RPS6KA2: variants seen among roughly 807,000 people sequenced by gnomAD.
The protein encoded by RPS6KA2 is ribosomal protein S6 kinase alpha-2.
A neutral mutation model predicts 91.8 loss-of-function variants in RPS6KA2; 42 were observed. The observed-to-expected ratio is 0.46, with a 90% CI of 0.36 to 0.59. The LOEUF (loss-of-function observed/expected upper bound fraction) is 0.59, where lower values mean the gene tolerates loss of function less well. RPS6KA2 is among the 20% of genes least tolerant of loss of function. The probability of loss-of-function intolerance (pLI) is 0.00; values close to 1 mark genes in which losing one functional copy is unlikely to be tolerated. For missense variants in RPS6KA2, 798 were observed against 978.5 expected (o/e 0.82, Z 2.46); for synonymous variants, 414 against 393.6 (o/e 1.05, Z -0.61).
chr6:166,701,777 T>G, intron 2 of RPS6KA2: 1 of 1,028,650 alleles, frequency 9.7e-7, no homozygotes, highest in Non-Finnish European at 1.5e-6. Flanking sequence ...ATCATTTTCC[T>G]AACGCTCCCT....
chr6:166,435,460 C>T lies in RPS6KA2; in HGVS notation c.1333-2970G>A, dbSNP rs766737152. Among the ~76,000 whole-genome samples, 2 of 152,220 alleles carry T rather than the reference C, an allele frequency of 1.3e-5. No homozygotes were observed. The highest frequency in any genetic ancestry group is 1.9e-4 in the East Asian group (1 of 5,204). On this transcript the variant is annotated intron_variant, in intron 14 of 20. Coordinates refer to ENST00000265678, the MANE Select transcript of RPS6KA2 (RefSeq NM_021135.6). This position sits in a 1 kb window ranked among gnomAD's most constrained non-coding sequence, Gnocchi z 4.3. Reference sequence around the variant, plus strand: ...CATTACATTTTCAACATATTAGTTACGCCTTTCAAAATCATGTAATTGCTT... The same window carrying T: ...CATTACATTTTCAACATATTAGTTATGCCTTTCAAAATCATGTAATTGCTT...
chr6:166,464,097 C>T (rs1250006253), intron 11 of RPS6KA2, among the ~76,000 whole-genome samples: 2 of 152,204 alleles, frequency 1.3e-5, no homozygotes, highest in Non-Finnish European at 2.9e-5. Context: ...TGCTGTGAGG[C>T]CCTGACCCGC....
chr6:166,638,876 C>A (rs576030432), intron 2 of RPS6KA2, among the ~76,000 whole-genome samples: 22 of 152,248 alleles, frequency 1.4e-4, no homozygotes, highest in African/African-American at 4.6e-4. Context: ...GTTTCTGTTC[C>A]TTCTGCTCAG....
chr6:166,707,856 G>C (rs1051466814), intron 2 of RPS6KA2, among the ~76,000 whole-genome samples: 1 of 151,834 alleles, frequency 6.6e-6, no homozygotes, highest in Non-Finnish European at 1.5e-5. Context: ...CAATCCTCCC[G>C]CCTCAGCCTC....
At chr6:166,718,604 T>C (rs1010025663) in intron 2 of RPS6KA2, among the ~76,000 whole-genome samples, 1 of 152,204 alleles carries the variant, frequency 6.6e-6, no homozygotes, top group African/African-American at 2.4e-5. Context: ...CTCTTTAAAG[T>C]GGTTAAAATA....
At position 166,763,917 on chromosome 6, in the gene RPS6KA2, C is replaced by T. The variant is rs562720671; in HGVS notation, c.123+94283G>A. On this transcript the variant is annotated intron_variant, in intron 2 of 21. Transcript: ENST00000503859. ...GTTTTCAGATCCATGACGGCACGGCCGGCCTTGTCTATGTCCGTCACCAAA... is the reference window on the plus strand; with the variant it reads ...GTTTTCAGATCCATGACGGCACGGCTGGCCTTGTCTATGTCCGTCACCAAA... Among the ~76,000 whole-genome samples the T allele has an allele frequency of 3.1e-3, 479 of 152,334 alleles. 4 individuals are homozygous for T. Among genetic ancestry groups the T allele is most frequent in the Non-Finnish European group, 6.0e-3 (410 of 68,036 alleles).
chr6:166,498,452 G>A, intron 8 of RPS6KA2, 56 bp downstream of exon 8: 5 of 1,545,568 alleles, frequency 3.2e-6, no homozygotes, highest in Non-Finnish European at 4.3e-6. Flanking sequence ...CCTGGGGACA[G>A]GGGTCCACGT....
intron 2 of RPS6KA2, among the ~76,000 whole-genome samples, chr6:166,660,624 T>C (rs904107299): frequency 8.5e-5 from 13 of 152,176 alleles, no homozygotes; most frequent in African/African-American, 3.1e-4. Flanking sequence ...AATAGTGTAA[T>C]CACAAAAAGG....
At chr6:166,502,169 C>T (rs972988167) in intron 6 of RPS6KA2, among the ~76,000 whole-genome samples, 4 of 152,026 alleles carry the variant, frequency 2.6e-5, no homozygotes, top group African/African-American at 7.3e-5. Context: ...TGCTTAATGC[C>T]ACTGAACTGG....
intron 14 of RPS6KA2, among the ~76,000 whole-genome samples, chr6:166,444,902 A>G (rs539408914): frequency 6.6e-6 from 1 of 152,374 alleles, no homozygotes; most frequent in Non-Finnish European, 1.5e-5. Flanking sequence ...AGTACCCAGC[A>G]TATAGCAGGG....
chr6:166,703,661 C>T (rs1789597133), intron 2 of RPS6KA2, among the ~76,000 whole-genome samples: 1 of 152,144 alleles, frequency 6.6e-6, no homozygotes, highest in Non-Finnish European at 1.5e-5. Flanking sequence ...AACATTTCTT[C>T]ACAGAAGGAA....
At chr6:166,597,911 C>T (rs1390097349) in intron 1 of RPS6KA2, among the ~76,000 whole-genome samples, 2 of 152,144 alleles carry the variant, frequency 1.3e-5, no homozygotes, top group African/African-American at 4.8e-5. Context: ...GTTTTCATCA[C>T]CCAGTTCCTG....
chr6:166,416,441 C>G (rs533197493), intron 19 of RPS6KA2, among the ~76,000 whole-genome samples: 2 of 151,960 alleles, frequency 1.3e-5, no homozygotes, highest in African/African-American at 4.8e-5. Context: ...CCTCCACAAT[C>G]ACTACCATCA....
intron 3 of RPS6KA2, among the ~76,000 whole-genome samples, chr6:166,529,336 C>T (rs1041094060): frequency 3.3e-5 from 5 of 152,168 alleles, no homozygotes; most frequent in African/African-American, 1.2e-4. Context: ...AAACCAAACA[C>T]CACATGTTTT....
intron 3 of RPS6KA2, among the ~76,000 whole-genome samples, chr6:166,514,765 T>C (rs914338107): frequency 6.6e-6 from 1 of 152,140 alleles, no homozygotes; most frequent in African/African-American, 2.4e-5. Flanking sequence ...GAGGGACAGA[T>C]CTGGCCTGGA....
Position 166,533,740 on chromosome 6 carries a change from T to C in RPS6KA2, c.217-2427A>G, listed in dbSNP as rs183399485. On this transcript the variant is annotated intron_variant, in intron 2 of 20. Transcript: ENST00000265678. This position sits in a 1 kb window ranked among gnomAD's most constrained non-coding sequence, Gnocchi z 4.0. ...GTGACAGATGAATCTATCCATTCCA[T>C]TGCGGCGAAGCTGACATGTTAGCTC... 2.0e-5 allele frequency among the ~76,000 whole-genome samples: 3 copies of C among 152,286 alleles called. No homozygotes were observed. The East Asian group carries it at 5.8e-4, about 29-fold the overall frequency.
chr6:166,791,127 T>C (rs1451363891), intron 2 of RPS6KA2, among the ~76,000 whole-genome samples: 1 of 152,138 alleles, frequency 6.6e-6, no homozygotes, highest in Non-Finnish European at 1.5e-5. Flanking sequence ...CCATCTCATG[T>C]GCAGAGACAC....
At chr6:166,678,191 C>A (rs990199297) in intron 2 of RPS6KA2, among the ~76,000 whole-genome samples, 1 of 152,210 alleles carries the variant, frequency 6.6e-6, no homozygotes, top group African/African-American at 2.4e-5. Context: ...CAGCCAGAGC[C>A]TCCTTACCTT....
At chr6:166,642,408 C>T (rs12055452) in intron 2 of RPS6KA2, among the ~76,000 whole-genome samples, 24,619 of 152,136 alleles carry the variant, frequency 0.16, 2,157 homozygotes, top group East Asian at 0.22. Context: ...TAGACACACA[C>T]GAGCTGCATG....
Sources: gnomAD v4.1 joint callset for allele counts (sites outside exome capture counted in the v4.1 genomes callset) on GRCh38, gnomAD v4.1.1 for gene constraint, Gnocchi (gnomAD v3.1) non-coding constraint, MANE v1.5 for transcripts, NCBI Gene and HGNC (gene_info 2026-07-23, HGNC 2026-07-21) for gene names.